Variants in GRHL2 observed in about 807,000 individuals in gnomAD.
GRHL2 encodes the protein grainyhead like transcription factor 2.
GRHL2 carries 21 observed loss-of-function variants against 83.8 expected under a neutral mutation model. The observed-to-expected ratio is 0.25, with a 90% CI of 0.18 to 0.36. The LOEUF is 0.36. GRHL2 is among the 10% of genes least tolerant of loss of function. The pLI is 1.00. For missense variants in GRHL2, 623 were observed against 781.8 expected, an observed-to-expected ratio of 0.80 and a Z score of 2.42; for synonymous variants, 280 against 278.9, an observed-to-expected ratio of 1.00 and a Z score of -0.04.
chr8:101,556,180 C>T (rs60757478), intron 3 of GRHL2, among the ~76,000 whole-genome samples: 4,050 of 152,226 alleles, frequency 0.027, 185 homozygotes, highest in African/African-American at 0.092. Context: ...TAGTCTCGAA[C>T]TCCCGACCTC....
downstream of GRHL2, among the ~76,000 whole-genome samples, chr8:101,671,993 C>T (rs1338736314): frequency 1.3e-5 from 2 of 152,162 alleles, no homozygotes; most frequent in East Asian, 3.9e-4. Flanking sequence ...AGCTGAGGGT[C>T]CTATCTGTTA....
intron 7 of GRHL2, among the ~76,000 whole-genome samples, chr8:101,580,849 A>C (rs1812037688): frequency 6.6e-6 from 1 of 152,074 alleles, no homozygotes; most frequent in Non-Finnish European, 1.5e-5. Flanking sequence ...GGCTACAGGC[A>C]CACGCCACCA....
intron 14 of GRHL2, among the ~76,000 whole-genome samples, chr8:101,658,351 C>G (rs1320571991): frequency 3.3e-5 from 5 of 152,190 alleles, no homozygotes; most frequent in South Asian, 2.1e-4. Flanking sequence ...CTTTCAAATT[C>G]TGTCTCTGCC....
chr8:101,647,526 T>C (rs1478499869), intron 13 of GRHL2, among the ~76,000 whole-genome samples: 1 of 152,204 alleles, frequency 6.6e-6, no homozygotes, highest in Non-Finnish European at 1.5e-5. Flanking sequence ...GGTCCTGTAT[T>C]CTAATTATTT....
chr8:101,629,205 C>A (rs1339452792), intron 9 of GRHL2, among the ~76,000 whole-genome samples: 1 of 152,084 alleles, frequency 6.6e-6, no homozygotes, highest in African/African-American at 2.4e-5. Flanking sequence ...GCCACCCCAA[C>A]CTTCAGCAAC....
intron 14 of GRHL2, among the ~76,000 whole-genome samples, chr8:101,650,804 A>ATATC (rs59979330): frequency 0.03 from 4,426 of 145,956 alleles, 171 homozygotes; most frequent in African/African-American, 0.1. Context: ...GTGAATTGTG[A>ATATC]TATCTATCTA....
At chr8:101,502,519 C>T (rs1289522521) in intron 1 of GRHL2, among the ~76,000 whole-genome samples, 1 of 152,170 alleles carries the variant, frequency 6.6e-6, no homozygotes, top group Non-Finnish European at 1.5e-5. Context: ...AGCGGACTCC[C>T]GCACAGCCTT....
chr8:101,662,940 C>T (rs954382249), intron 14 of GRHL2, among the ~76,000 whole-genome samples: 8 of 151,808 alleles, frequency 5.3e-5, no homozygotes, highest in African/African-American at 1.9e-4. Flanking sequence ...ATTTTCTCCT[C>T]AATATGTTAA....
chr8:101,542,673 A>G (rs1811179296), intron 1 of GRHL2: 1 of 450,194 alleles, frequency 2.2e-6, no homozygotes. Flanking sequence ...CTATAACAGA[A>G]TACCTGACCC....
At chr8:101,505,207 A>G (rs1194008330) in intron 1 of GRHL2, among the ~76,000 whole-genome samples, 1 of 152,006 alleles carries the variant, frequency 6.6e-6, no homozygotes, top group Non-Finnish European at 1.5e-5. Context: ...CCTTTTCTTC[A>G]TATTGTATAG....
In GRHL2 at chr8:101,644,230, C is replaced by G; in HGVS notation, c.1612+5C>G. 6 of 1,610,326 alleles carry G rather than the reference C, an allele frequency of 3.7e-6. No homozygotes were observed. The highest frequency in any genetic ancestry group is 5.1e-6 in the Non-Finnish European group (6 of 1,177,080). The stretch of plus-strand genomic sequence containing the variant: ...AAGAAGAAGGGACAAAGCGAGGTAT[C>G]TCTCCTGCTGGGGCATGCCCTCTCA... On this transcript the variant is annotated splice_donor_5th_base_variant and intron_variant, in intron 13 of 15. Transcript: ENST00000646743.
At chr8:101,507,093 G>A (rs1810356018) in intron 1 of GRHL2, among the ~76,000 whole-genome samples, 2 of 152,056 alleles carry the variant, frequency 1.3e-5, no homozygotes, top group African/African-American at 4.8e-5. Flanking sequence ...GCTAACAGAG[G>A]CCTGTTCTTA....
chr8:101,640,095 TC>T (rs1479226203), intron 12 of GRHL2, among the ~76,000 whole-genome samples: 1 of 152,166 alleles, frequency 6.6e-6, no homozygotes, highest in East Asian at 1.9e-4. Flanking sequence ...CAACACCAGG[TC>T]CCTTGCTGCA....
chr8:101,535,648 C>A (rs1811029849), intron 1 of GRHL2, among the ~76,000 whole-genome samples: 1 of 152,114 alleles, frequency 6.6e-6, no homozygotes. Context: ...AAGCAATTTT[C>A]CTGCCTCAGC....
At chr8:101,542,007 G>C (rs1811163947) in intron 1 of GRHL2, among the ~76,000 whole-genome samples, 1 of 152,092 alleles carries the variant, frequency 6.6e-6, no homozygotes, top group Non-Finnish European at 1.5e-5. Context: ...ATCTACAATA[G>C]AGTCCGTCTC....
rs1811877684 is a variant in GRHL2 at position 101,573,842 on chromosome 8, C to T, written c.891+18C>T. ...AAGTCAGGGTAGGGGCCACATTTCT[C>T]AGATAAAGTACAAAGGAATCCGATG... On this transcript the variant is annotated intron_variant, in intron 6 of 15. Coordinates refer to ENST00000646743, the MANE Select transcript of GRHL2 (RefSeq NM_024915.4). 2 of 1,613,958 alleles carry T rather than the reference C, an allele frequency of 1.2e-6. No individual in the cohort carries two copies. Among genetic ancestry groups the T allele is most frequent in the Non-Finnish European group, 1.7e-6 (2 of 1,179,856 alleles).
chr8:101,678,605 C>CTGT, the GRHL2 span, among the ~76,000 whole-genome samples: 1 of 151,548 alleles, frequency 6.6e-6, no homozygotes, highest in African/African-American at 2.4e-5. Flanking sequence ...CTGCCTGCCT[C>CTGT]TGTAGGCTCC....
At chr8:101,627,266 A>G (rs1320919419) in intron 9 of GRHL2, among the ~76,000 whole-genome samples, 1 of 152,086 alleles carries the variant, frequency 6.6e-6, no homozygotes, top group Non-Finnish European at 1.5e-5. Flanking sequence ...CATTTTGCCA[A>G]CAGCATGTGT....
intron 7 of GRHL2, among the ~76,000 whole-genome samples, chr8:101,579,059 G>A (rs1024759356): frequency 7.2e-5 from 11 of 152,194 alleles, no homozygotes; most frequent in Non-Finnish European, 1.2e-4. Flanking sequence ...TGCAAGAGCC[G>A]GGATAAGATC....
Sources: allele counts gnomAD v4.1 joint callset (sites outside exome capture counted in the v4.1 genomes callset), GRCh38; gene constraint gnomAD v4.1.1; transcripts MANE v1.5; gene names NCBI Gene and HGNC (gene_info 2026-07-23, HGNC 2026-07-21).